Variants in RHOBTB3 observed in about 807,000 individuals in gnomAD.
RHOBTB3 encodes the protein rho-related BTB domain-containing protein 3.
A neutral mutation model predicts 67.2 loss-of-function variants in RHOBTB3; 47 were observed. The observed-to-expected ratio is 0.70, with a 90% CI of 0.55 to 0.89. RHOBTB3 has a LOEUF of 0.89. Ranked by LOEUF, RHOBTB3 falls within the 40% of genes least tolerant of loss-of-function variation. The probability of loss-of-function intolerance (pLI) is 0.00; values close to 1 mark genes in which losing one functional copy is unlikely to be tolerated. For synonymous variants in RHOBTB3, 273 were observed against 274.2 expected (o/e 1.00, Z 0.04); for missense variants, 631 against 750.0 (o/e 0.84, Z 1.85).
chr5:95,718,057 A>C (rs1754734576), intron 1 of RHOBTB3, among the ~76,000 whole-genome samples: 1 of 152,256 alleles, frequency 6.6e-6, no homozygotes, highest in Non-Finnish European at 1.5e-5. Flanking sequence ...GTAGCATTTA[A>C]AACCAGTTAG....
chr5:95,756,085 A>C (rs979375482), intron 6 of RHOBTB3: 11 of 225,850 alleles, frequency 4.9e-5, no homozygotes, highest in Non-Finnish European at 4.4e-5. Flanking sequence ...TTGTGTAACT[A>C]TCACCACCAT....
intron 7 of RHOBTB3, among the ~76,000 whole-genome samples, chr5:95,765,799 C>T (rs1023038787): frequency 6.6e-6 from 1 of 152,172 alleles, no homozygotes; most frequent in Non-Finnish European, 1.5e-5. Flanking sequence ...GTAGTTGGGA[C>T]TACAGGCGCC....
At chr5:95,783,610 A>AAAG (rs937116957) in intron 9 of RHOBTB3, 187 bp from the exon 10 acceptor site, 11 of 370,000 alleles carry the variant, frequency 3.0e-5, no homozygotes, top group Non-Finnish European at 5.3e-5. Context: ...GAAAGAAAAA[A>AAAG]AAGATAAAAT....
intron 8 of RHOBTB3, among the ~76,000 whole-genome samples, chr5:95,774,401 T>C (rs1363556671): frequency 1.3e-5 from 2 of 152,188 alleles, no homozygotes; most frequent in African/African-American, 4.8e-5. Context: ...TTTTTAAACT[T>C]ATGTCTTAAG....
intron 6 of RHOBTB3, among the ~76,000 whole-genome samples, chr5:95,759,841 G>C (rs1342413566): frequency 1.3e-5 from 2 of 152,172 alleles, no homozygotes; most frequent in Non-Finnish European, 2.9e-5. Context: ...GTTCCCATCA[G>C]ATGGGTTGGT....
At chr5:95,744,090 T>TC (rs1228813453) in intron 3 of RHOBTB3, among the ~76,000 whole-genome samples, 3 of 150,108 alleles carry the variant, frequency 2.0e-5, no homozygotes, top group Admixed American at 6.7e-5. Context: ...CTTTCTCTCC[T>TC]CCCCCCTTCC....
At chr5:95,764,458 C>G (rs1745485504) in intron 7 of RHOBTB3, among the ~76,000 whole-genome samples, 1 of 152,186 alleles carries the variant, frequency 6.6e-6, no homozygotes, top group Non-Finnish European at 1.5e-5. Flanking sequence ...TTTATAAAAA[C>G]AGACTTTGTA....
intron 5 of RHOBTB3, among the ~76,000 whole-genome samples, chr5:95,753,449 A>G (rs1489971169): frequency 6.6e-6 from 1 of 152,210 alleles, no homozygotes; most frequent in East Asian, 1.9e-4. Context: ...AATAAATTAT[A>G]TCAACTGTTA....
upstream of RHOBTB3, among the ~76,000 whole-genome samples, chr5:95,728,298 T>C (rs1755119455): frequency 6.6e-6 from 1 of 152,224 alleles, no homozygotes; most frequent in African/African-American, 2.4e-5. Flanking sequence ...ATGCCAGCAC[T>C]AACTTCATCT....
intron 10 of RHOBTB3, among the ~76,000 whole-genome samples, chr5:95,784,272 T>C (rs555475514): frequency 6.6e-6 from 1 of 152,280 alleles, no homozygotes; most frequent in African/African-American, 2.4e-5. Context: ...TTGTAGGAAA[T>C]AGAATTTATG....
chr5:95,762,513 C>T (rs1022699597), intron 6 of RHOBTB3, among the ~76,000 whole-genome samples: 1 of 152,124 alleles, frequency 6.6e-6, no homozygotes, highest in African/African-American at 2.4e-5. Context: ...CTTGAATTAC[C>T]CAGAGAGGTG....
At chr5:95,726,680 G>A (rs1755062592), upstream of RHOBTB3, among the ~76,000 whole-genome samples, 2 of 152,182 alleles carry the variant, frequency 1.3e-5, no homozygotes, top group African/African-American at 4.8e-5. Context: ...GCTTGGCTGG[G>A]GGTTTTTGCT....
rs58596325 is a variant in RHOBTB3, at chr5:95,721,693, TA to T, written n.133+3943del. ...GAATATCTGATTCTACTGAGAGCAT[TA>T]AAAAAAAAAAAAAAGGAACATGAAG... On this transcript the variant is annotated intron_variant and non_coding_transcript_variant, in intron 1 of 5. Coordinates refer to the RHOBTB3 transcript ENST00000504949. Among the ~76,000 whole-genome samples the T allele has an allele frequency of 3.4e-3, 453 of 132,088 alleles. 1 individual carries two copies. The highest frequency in any genetic ancestry group is 6.8e-3 in the African/African-American group (240 of 35,164). The allele number at this position is 132,088 out of a possible 152,430, so 86.7% of individuals were successfully genotyped here. A position where few individuals can be genotyped will look rare whatever the true frequency, so the allele number is the denominator to read the frequency against.
At chr5:95,782,457 G>T (rs1268903096) in intron 9 of RHOBTB3, 1 of 152,162 alleles carries the variant, frequency 6.6e-6, no homozygotes. Context: ...AGATGGTGGT[G>T]GTGATGACTG....
At chr5:95,789,867 T>C (rs770805667) in intron 11 of RHOBTB3, among the ~76,000 whole-genome samples, 6 of 152,232 alleles carry the variant, frequency 3.9e-5, no homozygotes, top group Non-Finnish European at 5.9e-5. Flanking sequence ...AAAAATCATA[T>C]GGTCAAGATG....
Position 95,777,654 on chromosome 5 carries a change from A to G in RHOBTB3, c.1283-2598A>G, listed in dbSNP as rs899936764. ...CAGCATATTTTTATATACAGTGTTG[A>G]AAGATCTAACCATACTAAGGTATTG... On this transcript the variant is annotated intron_variant, in intron 8 of 11. Transcript: ENST00000379982. Among the ~76,000 whole-genome samples the G allele has an allele frequency of 2.0e-5, 3 of 152,246 alleles. No individual in the cohort carries two copies. The East Asian group carries it at 5.8e-4, about 29-fold the overall frequency.
At chr5:95,745,734 C>CT (rs1296822962) in intron 3 of RHOBTB3, among the ~76,000 whole-genome samples, 1 of 152,120 alleles carries the variant, frequency 6.6e-6, no homozygotes, top group Non-Finnish European at 1.5e-5. Flanking sequence ...GTGTAGCACT[C>CT]ATTCAGAGTC....
At chr5:95,773,896 A>G (rs564936414) in intron 8 of RHOBTB3, among the ~76,000 whole-genome samples, 22 of 152,348 alleles carry the variant, frequency 1.4e-4, no homozygotes, top group African/African-American at 3.6e-4. Context: ...TCCAAAATGT[A>G]TAGGGAGAAG....
At chr5:95,725,746 G>C (rs1213105897) in intron 1 of RHOBTB3, among the ~76,000 whole-genome samples, 1 of 151,812 alleles carries the variant, frequency 6.6e-6, no homozygotes, top group African/African-American at 2.4e-5. Context: ...AATTGCATAG[G>C]AGATAGGCTG....
Sources: allele counts gnomAD v4.1 joint callset (sites outside exome capture counted in the v4.1 genomes callset), GRCh38; gene constraint gnomAD v4.1.1; transcripts MANE v1.5; gene names NCBI Gene and HGNC (gene_info 2026-07-23, HGNC 2026-07-21).